DENND2D: variants seen among roughly 807,000 people sequenced by gnomAD.
DENND2D encodes the protein DENN domain containing 2D.
A neutral mutation model predicts 59.8 loss-of-function variants in DENND2D; 37 were observed. The observed-to-expected ratio is 0.62, with a 90% CI of 0.48 to 0.81. DENND2D has a LOEUF of 0.81. Among genes scored for constraint, DENND2D ranks in the 40% least tolerant of loss-of-function variants. The pLI, the probability that DENND2D is intolerant of heterozygous loss-of-function variation, is 0.00. For synonymous variants in DENND2D, 219 were observed against 211.3 expected (o/e 1.04, Z -0.31); for missense variants, 525 against 579.7 (o/e 0.91, Z 0.97).
chr1:111,197,622 G>T, intron 4 of DENND2D: 1 of 1,357,362 alleles, frequency 7.4e-7, no homozygotes, highest in Non-Finnish European at 9.5e-7. Flanking sequence ...GCTCTGGGAG[G>T]CTCCAGGGGC....
chr1:111,200,499 A>G lies in DENND2D; in HGVS notation c.-40T>C. 6.3e-7 allele frequency: 1 copy of G among 1,580,462 alleles called. No homozygotes were observed. Among genetic ancestry groups the G allele is most frequent in the Non-Finnish European group, 8.6e-7 (1 of 1,162,842 alleles). ...GACAGAGCGGACTCCCCTCTCCCCTAACACAGACAGACTGGTGACAGTAAG... is the reference window on the plus strand; with the variant it reads ...GACAGAGCGGACTCCCCTCTCCCCTGACACAGACAGACTGGTGACAGTAAG... On this transcript the variant is annotated 5_prime_UTR_variant, in exon 1 of 12. The change abolishes the stop of an existing upstream ORF in the 5' untranslated region. Coordinates refer to ENST00000357640, the MANE Select transcript of DENND2D (RefSeq NM_024901.5).
chr1:111,188,383 T>C lies in DENND2D; in HGVS notation c.1100-13A>G, dbSNP rs924728589. ...ATTTGTTCTGCAGCTGCAGGAGATA[T>C]AAAGGCCATCTCAGAGGGTAGCAGA... On this transcript the variant is annotated splice_polypyrimidine_tract_variant and intron_variant, in intron 10 of 11. Transcript: ENST00000357640. The C allele has an allele frequency of 1.5e-5, 24 of 1,611,632 alleles. No homozygotes were observed. The highest frequency in any genetic ancestry group is 3.8e-4 in the Middle Eastern group (2 of 5,264).
At position 111,188,687 on chromosome 1, in the gene DENND2D, AGAGTAAGGACTTAC is replaced by A; in HGVS notation, c.1099+1_1099+14del. The A allele has an allele frequency of 6.2e-7, 1 of 1,608,962 alleles. No homozygotes were observed. The highest frequency in any genetic ancestry group is 8.5e-7 in the Non-Finnish European group (1 of 1,175,412). ...GCACTGCCTGGAGAGACCCAAAATAAGAGTAAGGACTTACTCTTTAACTCATTGATCCCCTGACC... is the reference window on the plus strand; with the variant it reads ...GCACTGCCTGGAGAGACCCAAAATAATCTTTAACTCATTGATCCCCTGACC... On this transcript the variant is annotated splice_donor_variant and splice_donor_5th_base_variant and intron_variant, in intron 10 of 11. Transcript: ENST00000357640. LOFTEE classifies it high-confidence loss of function.
At chr1:111,190,174 A>AACAAAACAAAACAAAACAAAC (rs77382405) in intron 8 of DENND2D, among the ~76,000 whole-genome samples, 5 of 148,754 alleles carry the variant, frequency 3.4e-5, no homozygotes, top group African/African-American at 1.3e-4. Flanking sequence ...AAAAAAAAAA[A>AACAAAACAAAACAAAACAAAC]AAAAAAAAAC....
At chr1:111,204,087 T>A, upstream of DENND2D, 10 of 103,644 alleles carry the variant, frequency 9.6e-5, no homozygotes, top group East Asian at 2.6e-4. Flanking sequence ...AGGCCTGGCC[T>A]CGCCGTCCCC....
intron 11 of DENND2D, 58 bp downstream of exon 11, chr1:111,188,073 C>G (rs769318564): frequency 1.6e-5 from 26 of 1,581,516 alleles, no homozygotes; most frequent in Non-Finnish European, 2.1e-5. Flanking sequence ...CTTTCCCCTC[C>G]TCTTTATTCT....
chr1:111,197,433 T>A, intron 4 of DENND2D, 180 bp from the exon 5 acceptor site: 1 of 1,437,880 alleles, frequency 7.0e-7, no homozygotes, highest in African/African-American at 1.4e-5. Context: ...GGGTACTGGG[T>A]GAGTTGGTGG....
chr1:111,188,186 T>C lies in DENND2D; in HGVS notation c.1284A>G (p.Thr428=). The part of the protein sequence containing the change: ...NRRFVKKFVK[T]QLFSLFIQEA... ...CCTGGATGAAAAGTGAGAAGAGCTG[T>C]GTCTTCACAAACTTCTTCACAAATC... Residue 428 remains threonine (T), a synonymous_variant, in exon 11 of 12, where the codon ACA becomes ACG. Coordinates refer to ENST00000357640, the MANE Select transcript of DENND2D (RefSeq NM_024901.5). 2 of 1,614,228 alleles carry C rather than the reference T, an allele frequency of 1.2e-6. No individual in the cohort carries two copies. The highest frequency in any genetic ancestry group is 1.7e-6 in the Non-Finnish European group (2 of 1,180,032).
upstream of DENND2D, among the ~76,000 whole-genome samples, chr1:111,202,984 A>G (rs1658959784): frequency 6.6e-6 from 1 of 152,182 alleles, no homozygotes; most frequent in African/African-American, 2.4e-5. Flanking sequence ...GACCCCTTCC[A>G]TTCACACAGA....
intron 7 of DENND2D, 104 bp downstream of exon 7, chr1:111,194,468 GGTGGGC>G: frequency 2.4e-6 from 3 of 1,257,816 alleles, no homozygotes; most frequent in Admixed American, 2.2e-5. Context: ...GAAACAGGAG[GGTGGGC>G]GCATGGACCC....
intron 8 of DENND2D, among the ~76,000 whole-genome samples, chr1:111,191,432 A>G (rs920783023): frequency 1.3e-5 from 2 of 152,150 alleles, no homozygotes; most frequent in African/African-American, 4.8e-5. Context: ...ATACAGTAAC[A>G]TACTATCTTT....
At chr1:111,198,600 C>A in intron 3 of DENND2D, 30 bp downstream of exon 3, 1 of 1,609,158 alleles carries the variant, frequency 6.2e-7, no homozygotes, top group South Asian at 1.1e-5. Flanking sequence ...TCCCCAAATC[C>A]AATACCCTTG....
rs1161420041 is a variant in DENND2D at position 111,199,682 on chromosome 1, G to A, written c.184C>T (p.Leu62Phe). 2.5e-6 allele frequency: 4 copies of A among 1,614,098 alleles called. No individual in the cohort carries two copies. The highest frequency in any genetic ancestry group is 3.4e-6 in the Non-Finnish European group (4 of 1,180,018). The change falls in exon 2 of 12, where the codon CTC (leucine) becomes TTC (phenylalanine). Residue 62 changes from leucine to phenylalanine, a missense_variant. Coordinates refer to ENST00000357640, the MANE Select transcript of DENND2D (RefSeq NM_024901.5). Reference sequence around the variant, plus strand: ...TCATCCTCTGAACGCTTCTTTTTGAGAGAAACCACAAGAAGGTATTCAAAG... The same window carrying A: ...TCATCCTCTGAACGCTTCTTTTTGAAAGAAACCACAAGAAGGTATTCAAAG... ...HFFEYLLVVSLKKKRSEDDYE... is the reference protein window; with the variant it reads ...HFFEYLLVVSFKKKRSEDDYE...
chr1:111,196,963 G>T (rs1318251463), intron 5 of DENND2D: 2 of 549,580 alleles, frequency 3.6e-6, no homozygotes, highest in African/African-American at 3.8e-5. Flanking sequence ...GGGAACAGTA[G>T]CTGTCTCTGC....
At position 111,188,444 on chromosome 1, in the gene DENND2D, C is replaced by T; in HGVS notation, c.1100-74G>A. The T allele has an allele frequency of 1.1e-5, 18 of 1,575,362 alleles. 1 individual carries two copies. Among genetic ancestry groups the T allele is most frequent in the Non-Finnish European group, 1.5e-5 (17 of 1,160,330 alleles). ...TACCCAAACTCACCTTCAAGAATGGCTTTCTTGCAGGCGGAAAGCTCCTGG... is the reference window on the plus strand; with the variant it reads ...TACCCAAACTCACCTTCAAGAATGGTTTTCTTGCAGGCGGAAAGCTCCTGG... On this transcript the variant is annotated intron_variant, in intron 10 of 11. Transcript: ENST00000357640.
Position 111,197,311 on chromosome 1 carries a change from A to G in DENND2D, c.427-58T>C, listed in dbSNP as rs370842009. ...GCAGCCTCCCCAAGGGCTTCTCCCA[A>G]CTGGGTATGAAGGAGCACAAGGCTG... is the stretch of plus-strand genomic sequence containing the variant. On this transcript the variant is annotated intron_variant, in intron 4 of 11. Transcript: ENST00000357640. 169 of 1,572,102 alleles carry G rather than the reference A, an allele frequency of 1.1e-4. No homozygotes were observed. The African/African-American group carries it at 2.1e-3, about 19-fold the overall frequency.
In DENND2D at chr1:111,186,140, T is replaced by TTC. The variant is rs1204698254; in HGVS notation, c.*1464_*1465insGA. 2.6e-5 allele frequency among the ~76,000 whole-genome samples: 4 copies of TTC among 152,294 alleles called. No individual in the cohort carries two copies. In the East Asian group the frequency reaches 5.8e-4, roughly 22 times the overall value. On this transcript the variant is annotated 3_prime_UTR_variant, in exon 12 of 12. Coordinates refer to ENST00000357640, the MANE Select transcript of DENND2D (RefSeq NM_024901.5). ...TCAGCAAACCTTACCTGAAGAACCT[T>TTC]TTAAGAAAGTACAGATTTCCAGGTC...
At chr1:111,202,769 G>C (rs1658937158), upstream of DENND2D, among the ~76,000 whole-genome samples, 1 of 151,862 alleles carries the variant, frequency 6.6e-6, no homozygotes, top group South Asian at 2.1e-4. Context: ...AAAGGCAAAG[G>C]AGGAAGGGGG....
rs765483359 is a variant in DENND2D, at chr1:111,198,787, G to A, written c.244-45C>T. 6.3e-6 allele frequency: 10 copies of A among 1,598,574 alleles called. No individual in the cohort carries two copies. In the East Asian group the frequency reaches 1.3e-4, roughly 21 times the overall value. ...ACAAGTGGATGTGAAGCTGGGGGCA[G>A]AGATAGCAGGAGACAGCTTCAGAGC... On this transcript the variant is annotated intron_variant, in intron 2 of 11. Transcript: ENST00000357640.
Sources: allele counts gnomAD v4.1 joint callset (sites outside exome capture counted in the v4.1 genomes callset), GRCh38; gene constraint gnomAD v4.1.1; transcripts MANE v1.5; gene names NCBI Gene and HGNC (gene_info 2026-07-23, HGNC 2026-07-21).